SERTM1: variants seen among roughly 807,000 people sequenced by gnomAD.
SERTM1 encodes the protein serine-rich and transmembrane domain-containing protein 1.
In SERTM1, 1 loss-of-function variant was observed where a neutral mutation model predicts 5.5. The observed-to-expected ratio is 0.18, with a 90% CI of 0.06 to 0.86. The LOEUF is 0.86. Among genes scored for constraint, SERTM1 ranks in the 40% least tolerant of loss-of-function variants. The pLI, the probability that SERTM1 is intolerant of heterozygous loss-of-function variation, is 0.69. For missense variants in SERTM1, 91 were observed against 122.4 expected, an observed-to-expected ratio of 0.74 and a Z score of 1.21; for synonymous variants, 52 against 55.1, an observed-to-expected ratio of 0.94 and a Z score of 0.25.
At chr13:36,680,465 T>C in intron 1 of SERTM1, among the ~76,000 whole-genome samples, 1 of 152,184 alleles carries the variant, frequency 6.6e-6, no homozygotes. Flanking sequence ...GCCACTCAGC[T>C]CAGCTCTGAG....
At chr13:36,688,740 C>T (rs1360947565) in intron 1 of SERTM1, among the ~76,000 whole-genome samples, 1 of 152,004 alleles carries the variant, frequency 6.6e-6, no homozygotes, top group Non-Finnish European at 1.5e-5. Context: ...CTTTTTTTTA[C>T]CTTCTTTCTT....
rs2056817730 is a variant in SERTM1, at chr13:36,696,865, C to T, written c.*1463C>T. ...TCATTCCTTGTTCAAAACATTTAAT[C>T]ATCTTAAGCAGTGGGGCTTCAACAC... On this transcript the variant is annotated 3_prime_UTR_variant, in exon 2 of 2. Transcript: ENST00000315190. 1 of 167,070 alleles carries T rather than the reference C, an allele frequency of 6.0e-6. No individual in the cohort carries two copies. The highest frequency in any genetic ancestry group is 1.5e-5 in the Non-Finnish European group (1 of 68,126). 10.3% of individuals were successfully genotyped at this position (167,070 alleles called of 1,614,324 possible).
chr13:36,676,205 A>G (rs1309599228), intron 1 of SERTM1, among the ~76,000 whole-genome samples: 1 of 152,030 alleles, frequency 6.6e-6, no homozygotes, highest in Non-Finnish European at 1.5e-5. Context: ...ATGAAGAATG[A>G]CAGAGCTGAT....
Position 36,686,626 on chromosome 13 carries a change from A to G in SERTM1, c.-173-8280A>G, listed in dbSNP as rs142351575. On this transcript the variant is annotated intron_variant, in intron 1 of 1. Coordinates refer to ENST00000315190, the MANE Select transcript of SERTM1 (RefSeq NM_203451.3). The stretch of plus-strand genomic sequence containing the variant: ...TGAGGGTTAGTTGCTGATAATATGA[A>G]GCTTTATGGCTAGATACTTCAATAT... 7.4e-3 allele frequency among the ~76,000 whole-genome samples: 1,124 copies of G among 152,298 alleles called. 3 individuals are homozygous for G. The highest frequency in any genetic ancestry group is 0.011 in the Non-Finnish European group (762 of 68,022).
intron 1 of SERTM1, among the ~76,000 whole-genome samples, chr13:36,678,529 G>A (rs2056683260): frequency 6.6e-6 from 1 of 151,618 alleles, no homozygotes; most frequent in South Asian, 2.1e-4. Context: ...TGGTGGGAGG[G>A]AGCATCAGGA....
chr13:36,691,926 G>C (rs953379444), intron 1 of SERTM1, among the ~76,000 whole-genome samples: 2 of 152,170 alleles, frequency 1.3e-5, no homozygotes, highest in Admixed American at 1.3e-4. Context: ...AAACCAAAGA[G>C]AAAGAAGATA....
At chr13:36,682,940 G>C (rs1008143121) in intron 1 of SERTM1, among the ~76,000 whole-genome samples, 1 of 152,100 alleles carries the variant, frequency 6.6e-6, no homozygotes, top group Non-Finnish European at 1.5e-5. Context: ...CTGTCTCCCA[G>C]GCTGGAGTGC....
intron 1 of SERTM1, among the ~76,000 whole-genome samples, chr13:36,685,320 A>G (rs1314740542): frequency 6.6e-6 from 1 of 152,206 alleles, no homozygotes. Flanking sequence ...TTTCCTAATG[A>G]AGGACACAAC....
intron 1 of SERTM1, among the ~76,000 whole-genome samples, chr13:36,676,951 GA>G (rs1566225635): frequency 6.6e-6 from 1 of 152,170 alleles, no homozygotes; most frequent in African/African-American, 2.4e-5. Flanking sequence ...CTTAGATGAA[GA>G]TGCCCTTGGT....
chr13:36,675,175 C>T (rs1249437714), intron 1 of SERTM1, among the ~76,000 whole-genome samples: 2 of 152,072 alleles, frequency 1.3e-5, no homozygotes, highest in African/African-American at 4.8e-5. Context: ...ATTTCCTCTC[C>T]CTGTTAATTT....
intron 1 of SERTM1, among the ~76,000 whole-genome samples, chr13:36,679,417 T>C (rs552444010): frequency 6.6e-6 from 1 of 152,314 alleles, no homozygotes; most frequent in South Asian, 2.1e-4. Context: ...GTTTGTTTTT[T>C]GTTTTTGAGA....
At chr13:36,691,877 G>T (rs146902811) in intron 1 of SERTM1, among the ~76,000 whole-genome samples, 1 of 152,128 alleles carries the variant, frequency 6.6e-6, no homozygotes, top group African/African-American at 2.4e-5. Context: ...ACACATACAG[G>T]CTGGGTCACC....
chr13:36,681,954 C>G (rs1394199610), intron 1 of SERTM1, among the ~76,000 whole-genome samples: 4 of 152,180 alleles, frequency 2.6e-5, no homozygotes, highest in Admixed American at 1.3e-4. Flanking sequence ...TTGAAAGACA[C>G]AGTTGGTTGA....
In SERTM1 at chr13:36,695,406, A is replaced by G. The variant is rs747988315; in HGVS notation, c.*4A>G. ...TTTTTCAAACCTTTCATCCTGAGGA[A>G]AATGGAAGAGTCCTTGAGTGTGGCA... On this transcript the variant is annotated 3_prime_UTR_variant, in exon 2 of 2. Coordinates refer to ENST00000315190, the MANE Select transcript of SERTM1 (RefSeq NM_203451.3). The G allele has an allele frequency of 1.2e-6, 2 of 1,610,080 alleles. No homozygotes were observed. Among genetic ancestry groups the G allele is most frequent in the Non-Finnish European group, 1.7e-6 (2 of 1,177,526 alleles).
chr13:36,681,626 C>A (rs538186764), intron 1 of SERTM1, among the ~76,000 whole-genome samples: 46 of 152,232 alleles, frequency 3.0e-4, no homozygotes, highest in Non-Finnish European at 1.0e-4. Context: ...TTTTCCTTGA[C>A]CCTTTTTATT....
At chr13:36,692,478 A>T (rs1005921203) in intron 1 of SERTM1, among the ~76,000 whole-genome samples, 2 of 152,220 alleles carry the variant, frequency 1.3e-5, no homozygotes, top group South Asian at 4.1e-4. Context: ...CAGAGAAGGT[A>T]GCTTTAGAAA....
intron 1 of SERTM1, among the ~76,000 whole-genome samples, chr13:36,678,115 C>T (rs1219020739): frequency 6.6e-6 from 1 of 152,174 alleles, no homozygotes; most frequent in African/African-American, 2.4e-5. Context: ...ATTTTCATGG[C>T]ATATGCTATA....
intron 1 of SERTM1, among the ~76,000 whole-genome samples, chr13:36,676,405 G>T (rs1446657421): frequency 1.3e-5 from 2 of 151,200 alleles, no homozygotes; most frequent in Non-Finnish European, 1.5e-5. Flanking sequence ...CAACATTTTT[G>T]GGGGGTCCTT....
chr13:36,690,387 G>T (rs917016642), intron 1 of SERTM1, among the ~76,000 whole-genome samples: 2 of 152,202 alleles, frequency 1.3e-5, no homozygotes, highest in African/African-American at 4.8e-5. Flanking sequence ...TTTGAGTAAG[G>T]GTAGCACGTA....
Sources: gnomAD v4.1 joint callset for allele counts (sites outside exome capture counted in the v4.1 genomes callset) on GRCh38, gnomAD v4.1.1 for gene constraint, MANE v1.5 for transcripts, NCBI Gene and HGNC (gene_info 2026-07-23, HGNC 2026-07-21) for gene names.